NRG3: variants seen among roughly 807,000 people sequenced by gnomAD.
NRG3 encodes the protein neuregulin 3.
A neutral mutation model predicts 66.9 loss-of-function variants in NRG3; 31 were observed. That is an observed-to-expected ratio of 0.46 (90% CI 0.35 to 0.63). The LOEUF (loss-of-function observed/expected upper bound fraction) is 0.63. Among genes scored for constraint, NRG3 ranks in the 20% least tolerant of loss-of-function variants. NRG3 has a pLI of 0.00. For missense variants in NRG3, 910 were observed against 878.9 expected, an observed-to-expected ratio of 1.04 and a Z score of -0.45; for synonymous variants, 393 against 359.4, an observed-to-expected ratio of 1.09 and a Z score of -1.06.
At position 81,875,263 on chromosome 10, in the gene NRG3, G is replaced by A; in HGVS notation, c.-78G>A. ...GCCGCCGCCGCCGGAGCCCGCGCCC[G>A]CGCCCGCGCCCGGCCCGCGCGGCCC... On this transcript the variant is annotated 5_prime_UTR_variant, in exon 1 of 9. Coordinates refer to ENST00000372141, the MANE Select transcript of NRG3 (RefSeq NM_001010848.4). This position sits in a 1 kb window ranked among gnomAD's most constrained non-coding sequence, Gnocchi z 5.3. 2.1e-6 allele frequency: 2 copies of A among 937,428 alleles called. No individual in the cohort carries two copies. The highest frequency in any genetic ancestry group is 2.5e-6 in the Non-Finnish European group (2 of 790,630). 58.1% of individuals were successfully genotyped at this position (937,428 alleles called of 1,614,324 possible).
In NRG3 at chr10:82,840,131, T is replaced by G. The variant is rs753920606; in HGVS notation, c.1028-25280T>G. Among the ~76,000 whole-genome samples the G allele has an allele frequency of 2.7e-4, 41 of 152,190 alleles. 1 individual carries two copies. The highest frequency in any genetic ancestry group is 2.3e-3 in the Admixed American group (35 of 15,262). On this transcript the variant is annotated intron_variant, in intron 3 of 8. Transcript: ENST00000372141. Reference sequence around the variant, plus strand: ...TTTACTTACTTAAGTGTAGCATTTGTGCACAAAAAGTGTTTGATAAATTTT... The same window carrying G: ...TTTACTTACTTAAGTGTAGCATTTGGGCACAAAAAGTGTTTGATAAATTTT...
chr10:82,964,889 G>A (rs769849896), intron 6 of NRG3, among the ~76,000 whole-genome samples: 4 of 152,160 alleles, frequency 2.6e-5, no homozygotes, highest in Non-Finnish European at 5.9e-5. Context: ...TGGAAACAAT[G>A]CTGTTATTCT....
intron 2 of NRG3, among the ~76,000 whole-genome samples, chr10:82,661,462 A>C (rs1224397458): frequency 6.6e-6 from 1 of 152,154 alleles, no homozygotes; most frequent in Non-Finnish European, 1.5e-5. Flanking sequence ...AAATATGTAT[A>C]TATATATACA....
intron 1 of NRG3, among the ~76,000 whole-genome samples, chr10:81,902,865 A>G (rs576559876): frequency 8.9e-4 from 136 of 152,290 alleles, no homozygotes; most frequent in Non-Finnish European, 1.6e-3. Flanking sequence ...AAGGAAACCA[A>G]TAAAAATAAT....
intron 3 of NRG3, among the ~76,000 whole-genome samples, chr10:82,801,698 A>G (rs1385886990): frequency 6.6e-6 from 1 of 152,210 alleles, no homozygotes; most frequent in African/African-American, 2.4e-5. Context: ...TGGTGCAAAC[A>G]GGGCTTATCT....
chr10:82,251,720 A>T (rs575224437), intron 1 of NRG3, among the ~76,000 whole-genome samples: 2 of 152,318 alleles, frequency 1.3e-5, no homozygotes, highest in African/African-American at 4.8e-5. Flanking sequence ...TGGGCAAGGT[A>T]GGGATCTTCG....
chr10:82,039,664 T>A (rs1011677294), intron 1 of NRG3, among the ~76,000 whole-genome samples: 1 of 152,134 alleles, frequency 6.6e-6, no homozygotes, highest in Non-Finnish European at 1.5e-5. Flanking sequence ...GTCCATCAGC[T>A]CCCTTGAGAT....
chr10:82,030,637 T>G (rs1280965143), intron 1 of NRG3, among the ~76,000 whole-genome samples: 1 of 151,836 alleles, frequency 6.6e-6, no homozygotes, highest in African/African-American at 2.4e-5. Flanking sequence ...GATCAAGACT[T>G]GATTTTCCAT....
intron 2 of NRG3, among the ~76,000 whole-genome samples, chr10:82,662,744 C>T (rs997882671): frequency 4.6e-5 from 7 of 152,138 alleles, no homozygotes; most frequent in Admixed American, 2.6e-4. Context: ...ACCAAAAAAG[C>T]TTGGGCAGGG....
At chr10:82,316,326 A>G (rs1414943043) in intron 1 of NRG3, among the ~76,000 whole-genome samples, 2 of 152,198 alleles carry the variant, frequency 1.3e-5, no homozygotes, top group African/African-American at 4.8e-5. Context: ...GACTGCATTA[A>G]CAATCATAAA....
At position 81,875,485 on chromosome 10, in the gene NRG3, C is replaced by G; in HGVS notation, c.145C>G (p.Pro49Ala). 1 of 1,491,444 alleles carries G rather than the reference C, an allele frequency of 6.7e-7. No individual in the cohort carries two copies. Among genetic ancestry groups the G allele is most frequent in the African/African-American group, 1.4e-5 (1 of 72,344 alleles). The allele number at this position is 1,491,444 out of a possible 1,614,324, so 92.4% of individuals were successfully genotyped here. The change falls in exon 1 of 9, where the codon CCC becomes GCC. Residue 49 changes from proline (P) to alanine (A), a missense_variant. Pro to Ala is a conservative substitution (Grantham distance 27). Coordinates refer to ENST00000372141, the MANE Select transcript of NRG3 (RefSeq NM_001010848.4). The surrounding 1 kb of genome is among the most constrained non-coding windows in gnomAD (Gnocchi z 5.3). The stretch of plus-strand genomic sequence containing the variant: ...CGGCGGCGAAGGGGCGGCCGAGCCC[C>G]CCCGGGAGTTACGCTGTAGCGACTG... ...DGGGEGAAEP[P>A]RELRCSDCIV...
intron 1 of NRG3, among the ~76,000 whole-genome samples, chr10:82,228,009 G>T (rs1203784495): frequency 1.3e-5 from 2 of 152,086 alleles, no homozygotes; most frequent in East Asian, 3.9e-4. Context: ...GCATGATAGT[G>T]TACCTATTGA....
intron 1 of NRG3, among the ~76,000 whole-genome samples, chr10:82,048,959 A>C (rs916508633): frequency 6.6e-6 from 1 of 152,186 alleles, no homozygotes; most frequent in African/African-American, 2.4e-5. Flanking sequence ...CCAACAGAGA[A>C]TACTACAAAC....
rs180807196 is a variant in NRG3, at chr10:81,917,071, G to T, written c.823+40908G>T. Reference sequence around the variant, plus strand: ...TTCTCTTCAAATTAGACAATACCATGGCTCAAAATATAAATAACTAGTCAG... The same window carrying T: ...TTCTCTTCAAATTAGACAATACCATTGCTCAAAATATAAATAACTAGTCAG... On this transcript the variant is annotated intron_variant, in intron 1 of 8. Transcript: ENST00000372141. 9.6e-4 allele frequency among the ~76,000 whole-genome samples: 146 copies of T among 152,178 alleles called. 1 individual carries two copies. The East Asian group carries it at 0.017, about 18-fold the overall frequency.
chr10:82,720,796 A>G (rs2057251039), intron 2 of NRG3, among the ~76,000 whole-genome samples: 1 of 102,844 alleles, frequency 9.7e-6, no homozygotes, highest in Non-Finnish European at 1.8e-5. Context: ...ACACATATAT[A>G]GGAGTATTTT....
rs553704443 is a variant in NRG3 at position 82,168,214 on chromosome 10, T to G, written c.824-190525T>G. On this transcript the variant is annotated intron_variant, in intron 1 of 8. Transcript: ENST00000372141. The stretch of plus-strand genomic sequence containing the variant: ...CTGTTTTCATGTAGGATCGTTCCCC[T>G]AAATGTTTGTCAACATTTGGCTGTC... 2.0e-5 allele frequency among the ~76,000 whole-genome samples: 3 copies of G among 152,254 alleles called. No homozygotes were observed. In the South Asian group the frequency reaches 6.2e-4, roughly 32 times the overall value.
intron 2 of NRG3, among the ~76,000 whole-genome samples, chr10:82,567,801 A>AT (rs1031483267): frequency 1.3e-5 from 2 of 151,920 alleles, no homozygotes; most frequent in African/African-American, 4.8e-5. Context: ...ATTACAAATG[A>AT]TTTTTTTCTT....
intron 2 of NRG3, among the ~76,000 whole-genome samples, chr10:82,545,377 A>ATTTTT (rs745968047): frequency 1.5e-5 from 2 of 130,986 alleles, no homozygotes; most frequent in Non-Finnish European, 1.6e-5. Context: ...TGCTAATAGC[A>ATTTTT]TTTTTTTTTT....
chr10:82,905,464 ATCTCTAT>A (rs1844643786), intron 4 of NRG3, among the ~76,000 whole-genome samples: 1 of 152,094 alleles, frequency 6.6e-6, no homozygotes, highest in African/African-American at 2.4e-5. Flanking sequence ...TAGCACCAAA[ATCTCTAT>A]TATTTGAATG....
Sources: gnomAD v4.1 joint callset for allele counts (sites outside exome capture counted in the v4.1 genomes callset) on GRCh38, gnomAD v4.1.1 for gene constraint, Gnocchi (gnomAD v3.1) non-coding constraint, MANE v1.5 for transcripts, NCBI Gene and HGNC (gene_info 2026-07-23, HGNC 2026-07-21) for gene names.